The following KCNK13 variants were observed in gnomAD, a reference collection of about 807,000 sequenced individuals.
KCNK13 encodes potassium two pore domain channel subfamily K member 13.
A neutral mutation model predicts 23.4 loss-of-function variants in KCNK13; 12 were observed. The ratio of observed to expected loss-of-function variants is 0.51; its 90% CI spans 0.33 to 0.83. The LOEUF (loss-of-function observed/expected upper bound fraction) is 0.83. Ranked by LOEUF, KCNK13 falls within the 40% of genes least tolerant of loss-of-function variation. The pLI is 0.02. For synonymous variants in KCNK13, 231 were observed against 229.5 expected (o/e 1.01, Z -0.06); for missense variants, 463 against 556.3 (o/e 0.83, Z 1.69).
chr14:90,154,602 G>T (rs1890173761), intron 1 of KCNK13, among the ~76,000 whole-genome samples: 1 of 152,228 alleles, frequency 6.6e-6, no homozygotes, highest in South Asian at 2.1e-4. Flanking sequence ...TGGTTACAAT[G>T]ACAGGAGAGG....
chr14:90,125,292 C>T (rs1205533828), intron 1 of KCNK13, among the ~76,000 whole-genome samples: 1 of 151,146 alleles, frequency 6.6e-6, no homozygotes, highest in Non-Finnish European at 1.5e-5. Flanking sequence ...GGCGTGATCT[C>T]GGCTCACTGC....
At chr14:90,096,032 A>G (rs1038869599) in intron 1 of KCNK13, among the ~76,000 whole-genome samples, 1 of 152,210 alleles carries the variant, frequency 6.6e-6, no homozygotes, top group Non-Finnish European at 1.5e-5. Flanking sequence ...GATGCATAGG[A>G]TAACACCTAT....
intron 1 of KCNK13, among the ~76,000 whole-genome samples, chr14:90,082,676 G>A (rs1199611865): frequency 6.6e-6 from 1 of 152,158 alleles, no homozygotes; most frequent in Admixed American, 6.5e-5. Context: ...TTAATCAGTT[G>A]ATGGACATTT....
intron 1 of KCNK13, among the ~76,000 whole-genome samples, chr14:90,089,467 G>A (rs1889317820): frequency 6.6e-6 from 1 of 152,226 alleles, no homozygotes; most frequent in Admixed American, 6.5e-5. Flanking sequence ...TGAAGGTGCT[G>A]TTAAAGGCAT....
intron 1 of KCNK13, among the ~76,000 whole-genome samples, chr14:90,153,765 C>T (rs893424330): frequency 6.6e-6 from 1 of 152,208 alleles, no homozygotes; most frequent in Non-Finnish European, 1.5e-5. Context: ...CTGTGAAGAT[C>T]AGCTTAGATC....
Position 90,062,436 on chromosome 14 carries a change from C to A in KCNK13, c.231C>A (p.His77Gln). The change falls in exon 1 of 2, where the codon CAC becomes CAA. Residue 77 changes from histidine (H) to glutamine (Q), a missense_variant. His to Gln is a conservative substitution (Grantham distance 24). Coordinates refer to ENST00000282146, the MANE Select transcript of KCNK13 (RefSeq NM_022054.4). The surrounding 1 kb of genome is among the most constrained non-coding windows in gnomAD (Gnocchi z 4.5). ...SRDELRGFLR[H>Q]YEEATRAGIR... ...ACGAGCTGCGCGGCTTCCTCCGCCACTACGAGGAGGCCACTCGGGCCGGCA... is the reference window on the plus strand; with the variant it reads ...ACGAGCTGCGCGGCTTCCTCCGCCAATACGAGGAGGCCACTCGGGCCGGCA... The A allele has an allele frequency of 2.6e-6, 4 of 1,547,814 alleles. No individual in the cohort carries two copies. Among genetic ancestry groups the A allele is most frequent in the Non-Finnish European group, 3.5e-6 (4 of 1,146,324 alleles).
chr14:90,136,910 TTA>T (rs1889943642), intron 1 of KCNK13, among the ~76,000 whole-genome samples: 1 of 152,186 alleles, frequency 6.6e-6, no homozygotes, highest in Non-Finnish European at 1.5e-5. Context: ...GTGATGTTCA[TTA>T]GCGTCGTCAT....
Position 90,062,003 on chromosome 14 carries a change from G to A in KCNK13, c.-203G>A. The A allele has an allele frequency of 5.1e-6, 2 of 393,190 alleles. No individual in the cohort carries two copies. Among genetic ancestry groups the A allele is most frequent in the Non-Finnish European group, 8.9e-6 (2 of 224,544 alleles). The allele number at this position is 393,190 out of a possible 1,614,324, so 24.4% of individuals were successfully genotyped here. ...GAAACTAGGAGTCAAGGAGGACGTG[G>A]GGAGCTGGCGCCACAGGAGCTACCG... On this transcript the variant is annotated 5_prime_UTR_variant, in exon 1 of 2. Transcript: ENST00000282146. This position sits in a 1 kb window ranked among gnomAD's most constrained non-coding sequence, Gnocchi z 4.5.
chr14:90,074,008 G>A (rs1408109495), intron 1 of KCNK13, among the ~76,000 whole-genome samples: 2 of 149,154 alleles, frequency 1.3e-5, no homozygotes, highest in African/African-American at 5.0e-5. Flanking sequence ...GGGGGACGGA[G>A]CCCAGGCTGG....
chr14:90,087,959 G>C (rs1889300263), intron 1 of KCNK13, among the ~76,000 whole-genome samples: 1 of 152,028 alleles, frequency 6.6e-6, no homozygotes, highest in Admixed American at 6.6e-5. Context: ...TTGCTTCTTG[G>C]TGATTCAATG....
At chr14:90,075,271 A>T (rs1889121396) in intron 1 of KCNK13, among the ~76,000 whole-genome samples, 1 of 152,210 alleles carries the variant, frequency 6.6e-6, no homozygotes, top group South Asian at 2.1e-4. Context: ...TTATAAATAA[A>T]ATTGAGACCT....
chr14:90,181,087 C>A (rs551657270), intron 1 of KCNK13, among the ~76,000 whole-genome samples: 2 of 152,258 alleles, frequency 1.3e-5, no homozygotes, highest in Admixed American at 1.3e-4. Flanking sequence ...GATCTCCTGA[C>A]CTCATGATCC....
At chr14:90,154,242 TAATGCCTGCTCTTCTACCCAC>T (rs1890168480) in intron 1 of KCNK13, among the ~76,000 whole-genome samples, 1 of 151,458 alleles carries the variant, frequency 6.6e-6, no homozygotes, top group Non-Finnish European at 1.5e-5. Context: ...CTCCTACCCA[TAATGCCTGCTCTTCTACCCAC>T]AATGCCTGCT....
chr14:90,100,965 G>A (rs775272464), intron 1 of KCNK13, among the ~76,000 whole-genome samples: 3 of 152,024 alleles, frequency 2.0e-5, no homozygotes, highest in Non-Finnish European at 4.4e-5. Flanking sequence ...AAGTGCTGGA[G>A]TTACAGGTGT....
chr14:90,142,993 T>G (rs59308017), intron 1 of KCNK13, among the ~76,000 whole-genome samples: 9,858 of 152,184 alleles, frequency 0.065, 412 homozygotes, highest in South Asian at 0.21. Context: ...GGCTAGTTAA[T>G]AAGGTTTGTT....
intron 1 of KCNK13, among the ~76,000 whole-genome samples, chr14:90,090,479 G>A (rs1889331954): frequency 6.6e-6 from 1 of 152,208 alleles, no homozygotes; most frequent in Non-Finnish European, 1.5e-5. Flanking sequence ...AGGCTTATAG[G>A]CAGAAGGGCC....
At chr14:90,099,137 T>C (rs1444320685) in intron 1 of KCNK13, among the ~76,000 whole-genome samples, 1 of 152,168 alleles carries the variant, frequency 6.6e-6, no homozygotes, top group South Asian at 2.1e-4. Flanking sequence ...ACTTACGTTT[T>C]TGTGCGATTC....
chr14:90,064,905 C>T (rs1449774973), intron 1 of KCNK13, among the ~76,000 whole-genome samples: 3 of 152,142 alleles, frequency 2.0e-5, no homozygotes, highest in Non-Finnish European at 4.4e-5. Context: ...CAATGCAGCT[C>T]ATTGCTGTGT....
At chr14:90,085,331 G>A (rs921115059) in intron 1 of KCNK13, among the ~76,000 whole-genome samples, 1 of 151,852 alleles carries the variant, frequency 6.6e-6, no homozygotes, top group South Asian at 2.1e-4. Context: ...CATTTGGTTT[G>A]CTAGTATTTT....
Sources: allele counts gnomAD v4.1 joint callset (sites outside exome capture counted in the v4.1 genomes callset), GRCh38; gene constraint gnomAD v4.1.1; non-coding constraint Gnocchi (gnomAD v3.1); transcripts MANE v1.5; gene names NCBI Gene and HGNC (gene_info 2026-07-23, HGNC 2026-07-21).